The following COL27A1 variants were observed in gnomAD, a reference collection of about 807,000 sequenced individuals.
COL27A1 encodes the protein collagen alpha-1(XXVII) chain.
Under a neutral mutation model 251.3 loss-of-function variants are expected in COL27A1, and 106 were observed. The ratio of observed to expected loss-of-function variants is 0.42; its 90% confidence interval spans 0.36 to 0.50. COL27A1 has a LOEUF of 0.50. COL27A1 is among the 20% of genes least tolerant of loss of function. COL27A1 has a pLI of 0.00. For synonymous variants in COL27A1, 1,000 were observed against 986.3 expected (o/e 1.01, Z -0.26); for missense variants, 2,325 against 2,522.8 (o/e 0.92, Z 1.68).
At chr9:114,269,210 C>A (rs758572927) in intron 34 of COL27A1, 31 bp from the exon 35 acceptor site, 3 of 1,554,666 alleles carry the variant, frequency 1.9e-6, no homozygotes, top group South Asian at 1.2e-5. Context: ...GCCCTACCCA[C>A]CCGCAAGGAC....
chr9:114,155,185 CTG>C (rs1314170653), upstream of COL27A1, among the ~76,000 whole-genome samples: 3 of 152,224 alleles, frequency 2.0e-5, no homozygotes, highest in East Asian at 1.9e-4. The surrounding 1 kb of genome is among the most constrained non-coding windows in gnomAD (Gnocchi z 5.5). Flanking sequence ...GTCCCTGAAA[CTG>C]TGGGTTTCTT....
intron 28 of COL27A1, among the ~76,000 whole-genome samples, chr9:114,261,969 G>C (rs1834371661): frequency 6.6e-6 from 1 of 152,154 alleles, no homozygotes; most frequent in South Asian, 2.1e-4. Flanking sequence ...TTGATTCCTG[G>C]GATAAACAAG....
intron 37 of COL27A1, among the ~76,000 whole-genome samples, chr9:114,276,092 C>A (rs1009664577): frequency 6.6e-6 from 1 of 152,158 alleles, no homozygotes; most frequent in Non-Finnish European, 1.5e-5. Flanking sequence ...TACCCCTGGG[C>A]CTTTGCATGT....
At chr9:114,302,228 C>A (rs1014696327) in intron 56 of COL27A1, 120 bp downstream of exon 56, 6 of 806,640 alleles carry the variant, frequency 7.4e-6, no homozygotes, top group South Asian at 1.5e-5. Context: ...TAGGGACGCC[C>A]ATGTCCTTTT....
chr9:114,172,603 C>T (rs1015377553), intron 3 of COL27A1, among the ~76,000 whole-genome samples: 7 of 151,928 alleles, frequency 4.6e-5, no homozygotes, highest in Non-Finnish European at 1.0e-4. Flanking sequence ...GCCAGGAGTT[C>T]GCCAACATGG....
intron 12 of COL27A1, among the ~76,000 whole-genome samples, chr9:114,215,201 C>T (rs1432087589): frequency 2.0e-5 from 3 of 152,268 alleles, no homozygotes; most frequent in Non-Finnish European, 2.9e-5. Context: ...CAAGGCCGCG[C>T]AGTCCTCTGG....
At chr9:114,245,804 C>T (rs912466708) in intron 23 of COL27A1, 62 bp from the exon 24 acceptor site, 2 of 1,499,392 alleles carry the variant, frequency 1.3e-6, no homozygotes, top group African/African-American at 2.8e-5. Context: ...CCTGGGACTT[C>T]CCCAGGAGGT....
chr9:114,238,112 T>C (rs1029529199), intron 19 of COL27A1, among the ~76,000 whole-genome samples: 1 of 152,196 alleles, frequency 6.6e-6, no homozygotes, highest in African/African-American at 2.4e-5. Context: ...GGTTCAGGGC[T>C]CAGAGCTTCC....
At chr9:114,228,538 A>G (rs1296548697) in intron 14 of COL27A1, among the ~76,000 whole-genome samples, 1 of 152,192 alleles carries the variant, frequency 6.6e-6, no homozygotes, top group East Asian at 1.9e-4. Flanking sequence ...AGAATGGCCT[A>G]GAAGCTCTGG....
At chr9:114,222,328 C>A in intron 14 of COL27A1, 61 bp downstream of exon 14, 3 of 1,489,374 alleles carry the variant, frequency 2.0e-6, no homozygotes, top group Non-Finnish European at 1.9e-6. Flanking sequence ...GTGGAGCCAG[C>A]GTGTGGGGAG....
At chr9:114,249,494 T>A (rs964259279) in intron 24 of COL27A1, among the ~76,000 whole-genome samples, 1 of 152,142 alleles carries the variant, frequency 6.6e-6, no homozygotes, top group Non-Finnish European at 1.5e-5. Flanking sequence ...GAGGGGAAGG[T>A]GCGTGGTCTT....
chr9:114,174,717 G>A (rs563177737), intron 3 of COL27A1, among the ~76,000 whole-genome samples: 79 of 152,160 alleles, frequency 5.2e-4, no homozygotes, highest in Non-Finnish European at 9.8e-4. Context: ...ACTAAGGCCC[G>A]GAGGCCCAGG....
chr9:114,191,655 C>T (rs1828757295), intron 5 of COL27A1, among the ~76,000 whole-genome samples: 2 of 152,162 alleles, frequency 1.3e-5, no homozygotes, highest in African/African-American at 4.8e-5. Flanking sequence ...TTTTCTTTAT[C>T]CAGTCTATCA....
At chr9:114,183,190 C>A in intron 5 of COL27A1, 115 bp downstream of exon 5, 2 of 1,010,396 alleles carry the variant, frequency 2.0e-6, no homozygotes, top group Non-Finnish European at 3.1e-6. Context: ...GGGGGATTCC[C>A]GCCTAAGCCA....
intron 43 of COL27A1, 79 bp downstream of exon 43, chr9:114,288,834 A>T: frequency 6.2e-7 from 1 of 1,605,700 alleles, no homozygotes; most frequent in Non-Finnish European, 8.5e-7. Flanking sequence ...TAGAAAGAAC[A>T]AGAACTTCCC....
chr9:114,158,170 C>T (rs1564404967), intron 1 of COL27A1, among the ~76,000 whole-genome samples: 1 of 152,174 alleles, frequency 6.6e-6, no homozygotes, highest in Admixed American at 6.5e-5. Flanking sequence ...TTCCAGCTAG[C>T]TCCCTTTTCA....
intron 57 of COL27A1, among the ~76,000 whole-genome samples, chr9:114,305,998 C>A (rs555430761): frequency 1.3e-5 from 2 of 152,248 alleles, no homozygotes; most frequent in Admixed American, 6.5e-5. Context: ...CATCTGTGGT[C>A]CCCTCCTGCC....
chr9:114,279,225 T>C lies in COL27A1; in HGVS notation c.3718-3052T>C, dbSNP rs538758249. Reference sequence around the variant, plus strand: ...GGTGCCCCAGAAGTGGAGGAGCTGCTTGTCACTTCTGACCTGGCTGGGAGG... The same window carrying C: ...GGTGCCCCAGAAGTGGAGGAGCTGCCTGTCACTTCTGACCTGGCTGGGAGG... On this transcript the variant is annotated intron_variant, in intron 37 of 60. Coordinates refer to ENST00000356083, the MANE Select transcript of COL27A1 (RefSeq NM_032888.4). Among the ~76,000 whole-genome samples, 13 of 152,322 alleles carry C rather than the reference T, an allele frequency of 8.5e-5. No homozygotes were observed. The East Asian group carries it at 2.5e-3, about 29-fold the overall frequency.
At chr9:114,243,987 G>A (rs1832944976) in intron 23 of COL27A1, among the ~76,000 whole-genome samples, 1 of 146,916 alleles carries the variant, frequency 6.8e-6, no homozygotes, top group African/African-American at 2.5e-5. Context: ...GTGCAGTGGT[G>A]CAATCTCAGC....
Sources: gnomAD v4.1 joint callset for allele counts (sites outside exome capture counted in the v4.1 genomes callset) on GRCh38, gnomAD v4.1.1 for gene constraint, Gnocchi (gnomAD v3.1) non-coding constraint, MANE v1.5 for transcripts, NCBI Gene and HGNC (gene_info 2026-07-23, HGNC 2026-07-21) for gene names.